The following SPG11 variants were observed in gnomAD, a reference collection of about 807,000 sequenced individuals.
SPG11 encodes SPG11 vesicle trafficking associated, spatacsin, also known as spatacsin.
A neutral mutation model predicts 274.0 loss-of-function variants in SPG11; 222 were observed. The observed-to-expected ratio is 0.81, with a 90% CI of 0.73 to 0.91. The LOEUF (loss-of-function observed/expected upper bound fraction) is 0.91. Ranked by LOEUF, SPG11 falls within the 40% of genes least tolerant of loss-of-function variation. SPG11 has a pLI of 0.00. For missense variants in SPG11, 3,114 were observed against 2,872.7 expected, an observed-to-expected ratio of 1.08 and a Z score of -1.92; for synonymous variants, 1,144 against 1,039.7, an observed-to-expected ratio of 1.10 and a Z score of -1.93.
chr15:44,629,668 T>C (rs1481240587), intron 8 of SPG11, among the ~76,000 whole-genome samples: 1 of 152,202 alleles, frequency 6.6e-6, no homozygotes, highest in Non-Finnish European at 1.5e-5. Flanking sequence ...GCTATCTCAT[T>C]TATTCCTTTC....
Position 44,570,525 on chromosome 15 carries a change from C to T in SPG11, c.6477G>A (p.Val2159=). The T allele has an allele frequency of 1.2e-6, 2 of 1,614,034 alleles. No individual in the cohort carries two copies. Among genetic ancestry groups the T allele is most frequent in the Non-Finnish European group, 1.7e-6 (2 of 1,179,954 alleles). Residue 2159 remains valine, a splice_region_variant and synonymous_variant, in exon 34 of 40, where the codon GTG becomes GTA. Transcript: ENST00000261866. ...HLAPSEEYGL[V]VRLLTGIGRY... The stretch of plus-strand genomic sequence containing the variant: ...GACTGGGGTTGAGGGGGCTACTTAC[C>T]ACCAGCCCATACTCCTCACTGGGGG...
At position 44,563,155 on chromosome 15, in the gene SPG11, G is replaced by A. The variant is rs1336519433; in HGVS notation, c.7298C>T (p.Thr2433Ile). The change falls in exon 40 of 40, where the codon ACA becomes ATA. Residue 2433 changes from threonine to isoleucine, a missense_variant. By Grantham distance (89) the Thr-to-Ile change is moderately conservative. Coordinates refer to ENST00000261866, the MANE Select transcript of SPG11 (RefSeq NM_025137.4). ...IVNVLLKDPQTGCCLKDMLAG is the reference protein window; with the variant it reads ...IVNVLLKDPQIGCCLKDMLAG ...TAGCATGTCCTTTAGACAGCAACCTGTCTGAGGGTCCTTCAGAAGCACATT... is the reference window on the plus strand; with the variant it reads ...TAGCATGTCCTTTAGACAGCAACCTATCTGAGGGTCCTTCAGAAGCACATT... The A allele has an allele frequency of 6.2e-7, 1 of 1,614,160 alleles. No homozygotes were observed. Among genetic ancestry groups the A allele is most frequent in the South Asian group, 1.1e-5 (1 of 91,082 alleles).
rs367554893 is a variant in SPG11, at chr15:44,629,422, C to T, written c.1736-34G>A. ...GAACCAAAGAAATTAACATAAAGAA[C>T]ACCAGGATACTCACAATAAAATTAA... On this transcript the variant is annotated intron_variant, in intron 8 of 39. Coordinates refer to ENST00000261866, the MANE Select transcript of SPG11 (RefSeq NM_025137.4). 47 of 1,595,468 alleles carry T rather than the reference C, an allele frequency of 2.9e-5. No individual in the cohort carries two copies. The Middle Eastern group carries it at 6.8e-4, about 23-fold the overall frequency.
rs182535774 is a variant in SPG11 at position 44,660,437 on chromosome 15, T to G, written c.437A>C (p.Asp146Ala). The G allele has an allele frequency of 3.0e-5, 48 of 1,613,510 alleles. 1 individual carries two copies. The South Asian group carries it at 4.9e-4, about 17-fold the overall frequency. Residue 146 changes from aspartate to alanine, a missense_variant, in exon 2 of 40, where the codon GAT (aspartate) becomes GCT (alanine). Physicochemically the swap from Asp to Ala is moderately radical, Grantham distance 126. Coordinates refer to ENST00000261866, the MANE Select transcript of SPG11 (RefSeq NM_025137.4). Reference protein sequence around the residue: ...EALQKLIDDQDISISLLSLRI... With the variant: ...EALQKLIDDQAISISLLSLRI... The stretch of plus-strand genomic sequence containing the variant: ...GACCACCTGTAGATACTTACTGATA[T>G]CTTGATCGTCAATGAGCTTTTGCAA...
Position 44,564,701 on chromosome 15 carries a change from TAAAAG to T in SPG11, c.7000-8_7000-4del, listed in dbSNP as rs2082274179. ...TAGGCCTCAGCCACAATAGAAGCCT[TAAAAG>T]GAGAGGTGAAGAAGGACACCATCAG... On this transcript the variant is annotated splice_region_variant and splice_polypyrimidine_tract_variant and intron_variant, in intron 38 of 39. Coordinates refer to ENST00000261866, the MANE Select transcript of SPG11 (RefSeq NM_025137.4). 2 of 1,614,076 alleles carry T rather than the reference TAAAAG, an allele frequency of 1.2e-6. No homozygotes were observed. Among genetic ancestry groups the T allele is most frequent in the Non-Finnish European group, 1.7e-6 (2 of 1,179,990 alleles).
rs763480272 is a variant in SPG11, at chr15:44,600,447, A to T, written c.3686+20T>A. ...GTGTGAACCACTGTACCCAGACAAA[A>T]TTATATTTTAAATACTCACAGCTGC... is the stretch of plus-strand genomic sequence containing the variant. On this transcript the variant is annotated intron_variant, in intron 21 of 39. Coordinates refer to ENST00000261866, the MANE Select transcript of SPG11 (RefSeq NM_025137.4). 1.2e-6 allele frequency: 2 copies of T among 1,613,718 alleles called. No individual in the cohort carries two copies. Among genetic ancestry groups the T allele is most frequent in the Non-Finnish European group, 1.7e-6 (2 of 1,179,748 alleles).
At chr15:44,585,602 TAAAAAAA>T in intron 29 of SPG11, 27 bp downstream of exon 29, 17 of 1,193,688 alleles carry the variant, frequency 1.4e-5, no homozygotes, top group East Asian at 5.5e-5. Context: ...ACCCCGTATC[TAAAAAAA>T]AAAAAAAAAA....
At position 44,659,240 on chromosome 15, in the gene SPG11, T is replaced by C; in HGVS notation, c.506A>G (p.Asn169Ser). 1 of 1,614,174 alleles carries C rather than the reference T, an allele frequency of 6.2e-7. No individual in the cohort carries two copies. The highest frequency in any genetic ancestry group is 8.5e-7 in the Non-Finnish European group (1 of 1,179,994). ...TATAATATGTAGGATGACACATTTGTTGATGAACAGTAATGATGTGTTATT... is the reference window on the plus strand; with the variant it reads ...TATAATATGTAGGATGACACATTTGCTGATGAACAGTAATGATGTGTTATT... ...FHNNTSLLFI[N>S]KCVILHIIFP... The change falls in exon 3 of 40, where the codon AAC becomes AGC. Residue 169 changes from asparagine to serine, a missense_variant. Physicochemically the swap from Asn to Ser is conservative, Grantham distance 46. Coordinates refer to ENST00000261866, the MANE Select transcript of SPG11 (RefSeq NM_025137.4).
intron 13 of SPG11, 111 bp from the exon 14 acceptor site, chr15:44,622,045 AT>A: frequency 8.6e-7 from 1 of 1,159,132 alleles, no homozygotes; most frequent in African/African-American, 1.6e-5. Context: ...AATTCTGATT[AT>A]GCAAATATTA....
At chr15:44,658,185 G>A (rs1479876151) in intron 3 of SPG11, among the ~76,000 whole-genome samples, 1 of 152,206 alleles carries the variant, frequency 6.6e-6, no homozygotes, top group Non-Finnish European at 1.5e-5. Context: ...TAGGATTTAT[G>A]ACACTTTTGC....
At chr15:44,576,452 T>A (rs951953224) in intron 30 of SPG11, among the ~76,000 whole-genome samples, 1 of 151,578 alleles carries the variant, frequency 6.6e-6, no homozygotes, top group Non-Finnish European at 1.5e-5. Flanking sequence ...ATCGAGACCA[T>A]CCTGGCTAAC....
At chr15:44,661,519 AAACT>A (rs1457815387) in intron 1 of SPG11, among the ~76,000 whole-genome samples, 1 of 152,096 alleles carries the variant, frequency 6.6e-6, no homozygotes, top group Non-Finnish European at 1.5e-5. Context: ...ATTAGTAATA[AAACT>A]AATAAGAGTA....
chr15:44,582,425 G>A (rs550957612), intron 30 of SPG11, among the ~76,000 whole-genome samples: 1 of 152,282 alleles, frequency 6.6e-6, no homozygotes, highest in East Asian at 1.9e-4. Context: ...GTACACGCCT[G>A]TAATCCCAGC....
Position 44,651,671 on chromosome 15 carries a change from C to T in SPG11, c.1276G>A (p.Glu426Lys), listed in dbSNP as rs1158245810. 1.1e-5 allele frequency: 18 copies of T among 1,614,104 alleles called. No homozygotes were observed. In the Middle Eastern group the frequency reaches 6.6e-4, roughly 59 times the overall value. ...MHISEQEEPI[E>K]LKCVSVTGFT... ...CCTGTCACAGACACACATTTAAGCT[C>T]TATGGGTTCCTCTTGTTCACTGATG... Residue 426 changes from glutamate to lysine, a missense_variant, in exon 6 of 40, where the codon GAG (glutamate) becomes AAG (lysine). Physicochemically the swap from Glu to Lys is moderately conservative, Grantham distance 56 (BLOSUM62 1). Coordinates refer to ENST00000261866, the MANE Select transcript of SPG11 (RefSeq NM_025137.4).
rs1488917940 is a variant in SPG11, at chr15:44,628,777, G to C, written c.1959C>G (p.Phe653Leu). ...LTSYINELRT[F>L]MIKFPWKLTD... The stretch of plus-strand genomic sequence containing the variant: ...TTAGCTTCCAAGGAAACTTTATCAT[G>C]AAGGTTCGAAGTTCATTAATGTAGC... The change falls in exon 10 of 40, where the codon TTC becomes TTG. Residue 653 changes from phenylalanine (F) to leucine (L), a missense_variant. Coordinates refer to ENST00000261866, the MANE Select transcript of SPG11 (RefSeq NM_025137.4). 6.2e-7 allele frequency: 1 copy of C among 1,613,580 alleles called. No homozygotes were observed. The highest frequency in any genetic ancestry group is 1.7e-4 in the Middle Eastern group (1 of 6,056).
chr15:44,613,514 A>G lies in SPG11; in HGVS notation c.3061T>C (p.Phe1021Leu), dbSNP rs1351645076. Residue 1021 changes from phenylalanine (F) to leucine (L), a missense_variant, in exon 17 of 40, where the codon TTT (phenylalanine) becomes CTT (leucine). Coordinates refer to ENST00000261866, the MANE Select transcript of SPG11 (RefSeq NM_025137.4). The stretch of plus-strand genomic sequence containing the variant: ...TCATGTAACTCTTTTTTTTCCAAAA[A>G]GGGACAATTTTCAGGACTAAGTCTG... ...CYKLSPENCP[F>L]LEKKELHEAH... The G allele has an allele frequency of 6.2e-7, 1 of 1,613,502 alleles. No homozygotes were observed. Among genetic ancestry groups the G allele is most frequent in the East Asian group, 2.2e-5 (1 of 44,842 alleles).
chr15:44,648,947 G>A lies in SPG11; in HGVS notation c.1521C>T (p.Ile507=), dbSNP rs759291312. ...TGTCCACAGTGCTGGCACTTCCATG[G>A]ATCATGAGTCTGTTTAAAAACTCTT... ...TQEEFLNRLM[I]HGSASTVDTL... is the part of the protein sequence containing the mutation. The change falls in exon 7 of 40, where the codon ATC becomes ATT. Residue 507 remains isoleucine (I), a synonymous_variant. Coordinates refer to ENST00000261866, the MANE Select transcript of SPG11 (RefSeq NM_025137.4). The A allele has an allele frequency of 1.2e-6, 2 of 1,613,880 alleles. No homozygotes were observed. The highest frequency in any genetic ancestry group is 1.7e-6 in the Non-Finnish European group (2 of 1,179,804).
chr15:44,611,174 T>C (rs143135528), intron 17 of SPG11, among the ~76,000 whole-genome samples, 189 bp from the exon 18 acceptor site: 1 of 148,632 alleles, frequency 6.7e-6, no homozygotes, highest in Admixed American at 6.6e-5. Context: ...AATGAAAGAT[T>C]TGTCTACATA....
At chr15:44,573,804 G>T (rs2082477858) in intron 31 of SPG11, 59 bp from the exon 32 acceptor site, 2 of 1,541,840 alleles carry the variant, frequency 1.3e-6, no homozygotes, top group African/African-American at 1.4e-5. Flanking sequence ...AAGCAAAAGA[G>T]CCCTTTCTGA....
Sources: gnomAD v4.1 joint callset for allele counts (sites outside exome capture counted in the v4.1 genomes callset) on GRCh38, gnomAD v4.1.1 for gene constraint, MANE v1.5 for transcripts, NCBI Gene and HGNC (gene_info 2026-07-23, HGNC 2026-07-21) for gene names.